Variants in BMPER observed in about 807,000 individuals in gnomAD.
The protein encoded by BMPER is BMP binding endothelial regulator, also known as BMP-binding endothelial regulator protein.
A neutral mutation model predicts 87.3 loss-of-function variants in BMPER; 45 were observed. The observed-to-expected ratio is 0.52, with a 90% CI of 0.41 to 0.66. The LOEUF (loss-of-function observed/expected upper bound fraction) is 0.66. BMPER is among the 30% of genes least tolerant of loss of function. BMPER has a pLI of 0.00. For missense variants in BMPER, 784 were observed against 867.5 expected, an observed-to-expected ratio of 0.90 and a Z score of 1.21; for synonymous variants, 326 against 316.2, an observed-to-expected ratio of 1.03 and a Z score of -0.33.
chr7:34,053,204 C>T (rs562835827), intron 8 of BMPER, among the ~76,000 whole-genome samples: 3 of 152,318 alleles, frequency 2.0e-5, no homozygotes, highest in East Asian at 1.9e-4. Context: ...ATAATTAATA[C>T]TCTTCCTCCA....
Position 33,921,751 on chromosome 7 carries a change from G to A in BMPER, c.219+14848G>A, listed in dbSNP as rs542616862. On this transcript the variant is annotated intron_variant, in intron 2 of 14. Transcript: ENST00000649409. ...GTAGCAGCTGCAGGACGAAGCTGAC[G>A]TGACGTTATGTTTGTTGCTTCTTCA... The A allele has an allele frequency of 4.5e-5, 21 of 470,984 alleles. No homozygotes were observed. The East Asian group carries it at 1.0e-3, about 23-fold the overall frequency. The allele number at this position is 470,984 out of a possible 1,614,324, so 29.2% of individuals were successfully genotyped here. A position where few individuals can be genotyped will look rare whatever the true frequency, so the allele number is the denominator to read the frequency against.
chr7:33,932,139 G>A (rs1784496941), intron 2 of BMPER, among the ~76,000 whole-genome samples: 1 of 152,208 alleles, frequency 6.6e-6, no homozygotes, highest in Non-Finnish European at 1.5e-5. Flanking sequence ...TCGCCAGGCT[G>A]GGGCATCTAT....
intron 13 of BMPER, among the ~76,000 whole-genome samples, chr7:34,132,466 C>T (rs964560957): frequency 2.6e-5 from 4 of 152,134 alleles, no homozygotes; most frequent in Admixed American, 6.6e-5. Context: ...GCCTCCGGAT[C>T]GAAGCCAGGT....
intron 13 of BMPER, among the ~76,000 whole-genome samples, chr7:34,094,776 C>A (rs1789486503): frequency 1.3e-5 from 2 of 152,188 alleles, no homozygotes; most frequent in Non-Finnish European, 2.9e-5. Flanking sequence ...TTGCATCAGT[C>A]ATTCCAGATA....
chr7:34,064,043 G>A (rs771887637), intron 11 of BMPER, among the ~76,000 whole-genome samples: 2 of 152,246 alleles, frequency 1.3e-5, no homozygotes, highest in Non-Finnish European at 2.9e-5. Context: ...TCCCATGCCT[G>A]TAATCGGGAG....
At chr7:34,004,870 C>G (rs1015533997) in intron 6 of BMPER, among the ~76,000 whole-genome samples, 4 of 152,036 alleles carry the variant, frequency 2.6e-5, no homozygotes, top group African/African-American at 9.7e-5. Context: ...GAGTTTTGAG[C>G]CTTCTTAGGT....
chr7:33,993,027 C>G (rs1786274645), intron 6 of BMPER, among the ~76,000 whole-genome samples: 1 of 140,282 alleles, frequency 7.1e-6, no homozygotes, highest in East Asian at 2.1e-4. Flanking sequence ...GTAACCCGAC[C>G]TTTCTCTCTG....
chr7:33,967,939 C>T (rs1785443403), intron 4 of BMPER, among the ~76,000 whole-genome samples: 1 of 152,136 alleles, frequency 6.6e-6, no homozygotes, highest in Admixed American at 6.6e-5. Context: ...TGGATGAAGA[C>T]TTTGTTTAAA....
At chr7:33,990,126 A>T (rs1786162148) in intron 6 of BMPER, among the ~76,000 whole-genome samples, 1 of 147,420 alleles carries the variant, frequency 6.8e-6, no homozygotes, top group Non-Finnish European at 1.5e-5. Flanking sequence ...TATGAACTTT[A>T]AAGTAGTTTT....
chr7:33,926,781 G>A (rs982235419), intron 2 of BMPER, among the ~76,000 whole-genome samples: 3 of 152,220 alleles, frequency 2.0e-5, no homozygotes, highest in African/African-American at 7.2e-5. Context: ...GTCCAAGGCT[G>A]ACATTTTCAG....
intron 3 of BMPER, among the ~76,000 whole-genome samples, chr7:33,946,957 T>C (rs2128612200): frequency 6.6e-6 from 1 of 152,356 alleles, no homozygotes; most frequent in African/African-American, 2.4e-5. Context: ...AAATTGTCCT[T>C]AGCTTTTATG....
chr7:34,041,931 C>T (rs142519679), intron 6 of BMPER, among the ~76,000 whole-genome samples: 1 of 152,156 alleles, frequency 6.6e-6, no homozygotes, highest in African/African-American at 2.4e-5. Context: ...AGCTCTGCTC[C>T]TGTTTGGGAG....
chr7:33,964,394 A>C (rs1473310613), intron 3 of BMPER, among the ~76,000 whole-genome samples: 1 of 152,224 alleles, frequency 6.6e-6, no homozygotes, highest in Non-Finnish European at 1.5e-5. Flanking sequence ...AAGGTTTGTT[A>C]TATGGACTCA....
intron 8 of BMPER, among the ~76,000 whole-genome samples, chr7:34,052,747 T>C (rs1274470450): frequency 6.6e-6 from 1 of 152,144 alleles, no homozygotes; most frequent in African/African-American, 2.4e-5. Flanking sequence ...ATATCAGCTA[T>C]GAGTCAATAG....
intron 4 of BMPER, among the ~76,000 whole-genome samples, chr7:33,969,691 G>A (rs561388816): frequency 2.0e-5 from 3 of 152,340 alleles, no homozygotes; most frequent in South Asian, 2.1e-4. Context: ...GAGCCACTGC[G>A]TCCGGCCACT....
intron 6 of BMPER, among the ~76,000 whole-genome samples, chr7:34,018,958 C>T (rs1787109706): frequency 2.0e-5 from 3 of 151,948 alleles, no homozygotes; most frequent in South Asian, 4.2e-4. Flanking sequence ...AAGAAATACC[C>T]CAGTACCTGA....
intron 2 of BMPER, among the ~76,000 whole-genome samples, chr7:33,929,790 T>TA (rs1251725374): frequency 2.0e-4 from 31 of 152,180 alleles, no homozygotes; most frequent in African/African-American, 7.2e-4. Flanking sequence ...TTGCAAGGGT[T>TA]AAATGACAAA....
chr7:34,055,297 T>A lies in BMPER; in HGVS notation c.921T>A (p.Ile307=). Residue 307 remains isoleucine, a synonymous_variant, in exon 9 of 15, where the codon ATT becomes ATA. Transcript: ENST00000649409. ...DIKVCKFGNK[I]FQDGEMWSSI... is the part of the protein sequence containing the mutation. ...AAGTATGCAAATTTGGCAACAAGAT[T>A]TTCCAGGTATGTCATGAGACAAGCA... is the stretch of plus-strand genomic sequence containing the variant. The A allele has an allele frequency of 6.2e-7, 1 of 1,614,060 alleles. No individual in the cohort carries two copies. The highest frequency in any genetic ancestry group is 8.5e-7 in the Non-Finnish European group (1 of 1,180,006).
chr7:34,118,237 G>A (rs183070016), intron 13 of BMPER, among the ~76,000 whole-genome samples: 142 of 151,210 alleles, frequency 9.4e-4, no homozygotes, highest in African/African-American at 3.0e-3. Flanking sequence ...CCCGGGAGGC[G>A]GAGTTTGCAG....
Sources: gnomAD v4.1 joint callset for allele counts (sites outside exome capture counted in the v4.1 genomes callset) on GRCh38, gnomAD v4.1.1 for gene constraint, MANE v1.5 for transcripts, NCBI Gene and HGNC (gene_info 2026-07-23, HGNC 2026-07-21) for gene names.